DRC1: variants seen among roughly 807,000 people sequenced by gnomAD.
DRC1 encodes dynein regulatory complex subunit 1.
DRC1 carries 74 observed loss-of-function variants against 98.7 expected under a neutral mutation model. That is an observed-to-expected ratio of 0.75 (90% CI 0.62 to 0.91). The LOEUF (loss-of-function observed/expected upper bound fraction) is 0.91. DRC1 is among the 40% of genes least tolerant of loss of function. The pLI is 0.00. For missense variants in DRC1, 875 were observed against 886.0 expected (o/e 0.99, Z 0.16); for synonymous variants, 336 against 334.1 (o/e 1.01, Z -0.06).
At chr2:26,413,806 A>C (rs910847898) in intron 1 of DRC1, among the ~76,000 whole-genome samples, 4 of 152,078 alleles carry the variant, frequency 2.6e-5, no homozygotes, top group African/African-American at 4.8e-5. Context: ...AAATCTTTTA[A>C]TCTTTTTATT....
chr2:26,451,513 G>T (rs1316247260), intron 13 of DRC1, among the ~76,000 whole-genome samples: 1 of 152,182 alleles, frequency 6.6e-6, no homozygotes, highest in African/African-American at 2.4e-5. Context: ...TGACATGCCT[G>T]TAAAAAGAGT....
chr2:26,429,925 A>G (rs183510238), intron 5 of DRC1, among the ~76,000 whole-genome samples, 160 bp downstream of exon 5: 24 of 152,298 alleles, frequency 1.6e-4, no homozygotes, highest in African/African-American at 5.1e-4. Flanking sequence ...TCATTCATTC[A>G]TATGACAAGT....
intron 16 of DRC1, among the ~76,000 whole-genome samples, chr2:26,455,940 CGT>C (rs35992618): frequency 0.92 from 140,736 of 152,228 alleles, 66,018 homozygotes; most frequent in East Asian, 1. Context: ...TAGTTGCACA[CGT>C]GTGAGGTGAC....
Position 26,450,669 on chromosome 2 carries a change from T to A in DRC1, c.1677T>A (p.Ser559=). 5 of 1,600,380 alleles carry A rather than the reference T, an allele frequency of 3.1e-6. No homozygotes were observed. Among genetic ancestry groups the A allele is most frequent in the Non-Finnish European group, 4.3e-6 (5 of 1,173,888 alleles). The change falls in exon 13 of 17, where the codon TCT becomes TCA. Residue 559 remains serine (S), a synonymous_variant. Coordinates refer to ENST00000288710, the MANE Select transcript of DRC1 (RefSeq NM_145038.5). ...TTAAATATCGAGCTCACCGTTTATC[T>A]TCCAGCCTCCAGGTAAGGCAAGGTG... ...FFLKYRAHRL[S]SSLQIKPCSQ... is the part of the protein sequence containing the mutation.
intron 4 of DRC1, among the ~76,000 whole-genome samples, chr2:26,426,906 T>C (rs1663299106): frequency 6.6e-6 from 1 of 152,246 alleles, no homozygotes; most frequent in Non-Finnish European, 1.5e-5. Flanking sequence ...GCACAGGATA[T>C]CTTCCATTTG....
intron 7 of DRC1, among the ~76,000 whole-genome samples, chr2:26,435,274 G>T (rs1404726898): frequency 2.0e-5 from 3 of 152,152 alleles, no homozygotes; most frequent in Admixed American, 6.5e-5. Context: ...TTTGTGGCAG[G>T]TTAGCTTGTA....
At chr2:26,442,038 A>C (rs976949563) in intron 8 of DRC1, among the ~76,000 whole-genome samples, 35 of 152,222 alleles carry the variant, frequency 2.3e-4, no homozygotes, top group African/African-American at 6.0e-4. Context: ...GGGAAGGCCA[A>C]GATCAAGGCT....
At chr2:26,448,299 A>G (rs1663910393) in intron 10 of DRC1, 1 of 475,112 alleles carries the variant, frequency 2.1e-6, no homozygotes, top group African/African-American at 2.0e-5. Flanking sequence ...GCTTCTGTCT[A>G]ATCTGTTGCA....
Position 26,440,374 on chromosome 2 carries a change from T to G in DRC1, c.889-4T>G. ...ATATATATATATAGTTTTTTTAACT[T>G]TAGATTCTTGAGCAGCAGCTTCAGC... On this transcript the variant is annotated splice_region_variant and splice_polypyrimidine_tract_variant and intron_variant, in intron 7 of 16. Coordinates refer to ENST00000288710, the MANE Select transcript of DRC1 (RefSeq NM_145038.5). 1 of 1,602,730 alleles carries G rather than the reference T, an allele frequency of 6.2e-7. No individual in the cohort carries two copies. Among genetic ancestry groups the G allele is most frequent in the Non-Finnish European group, 8.5e-7 (1 of 1,175,276 alleles).
At chr2:26,423,576 G>A (rs562016943) in intron 3 of DRC1, among the ~76,000 whole-genome samples, 7 of 152,182 alleles carry the variant, frequency 4.6e-5, no homozygotes, top group Non-Finnish European at 1.0e-4. Context: ...TTATGGAAAG[G>A]CTGTCCCTAT....
rs141243221 is a variant in DRC1 at position 26,410,146 on chromosome 2, T to G, written c.156-4198T>G. 2.2e-4 allele frequency among the ~76,000 whole-genome samples: 33 copies of G among 150,058 alleles called. No homozygotes were observed. The East Asian group carries it at 5.7e-3, about 26-fold the overall frequency. ...AATAGAGCTCTTAGAAATAAAAAAA[T>G]TATAGAAATAGAAAACATTAGAAGG... On this transcript the variant is annotated intron_variant, in intron 1 of 16. Transcript: ENST00000288710.
chr2:26,421,264 A>G, intron 2 of DRC1, 24 bp from the exon 3 acceptor site: 1 of 1,604,464 alleles, frequency 6.2e-7, no homozygotes, highest in Non-Finnish European at 8.5e-7. Context: ...CTAGCTTTGT[A>G]AATTCTTATA....
chr2:26,453,898 G>A (rs966628454), intron 14 of DRC1, among the ~76,000 whole-genome samples: 14 of 152,200 alleles, frequency 9.2e-5, no homozygotes, highest in Admixed American at 5.9e-4. Flanking sequence ...TTTCCATTTG[G>A]CATGTCAGAG....
At chr2:26,427,476 A>G (rs1258962402) in intron 4 of DRC1, among the ~76,000 whole-genome samples, 1 of 152,084 alleles carries the variant, frequency 6.6e-6, no homozygotes, top group Admixed American at 6.6e-5. Context: ...TATGGGGTAT[A>G]TAAGATATTT....
At chr2:26,445,473 A>G (rs1048615265) in intron 10 of DRC1, among the ~76,000 whole-genome samples, 11 of 152,224 alleles carry the variant, frequency 7.2e-5, no homozygotes, top group Non-Finnish European at 1.3e-4. Flanking sequence ...GGCCTCTAGC[A>G]TCTTCCAAAG....
rs559685407 is a variant in DRC1 at position 26,436,151 on chromosome 2, A to T, written c.888+4145A>T. ...TCTTTTTTTTTTTTCACTTTTTAAT[A>T]ATAGCCATTCTGACTGGTGTGAGAT... On this transcript the variant is annotated intron_variant, in intron 7 of 16. Coordinates refer to ENST00000288710, the MANE Select transcript of DRC1 (RefSeq NM_145038.5). Among the ~76,000 whole-genome samples the T allele has an allele frequency of 4.0e-5, 6 of 151,376 alleles. No individual in the cohort carries two copies. In the East Asian group the frequency reaches 1.2e-3, roughly 29 times the overall value.
intron 6 of DRC1, 86 bp from the exon 7 acceptor site, chr2:26,431,798 C>T (rs953161053): frequency 1.3e-6 from 2 of 1,567,512 alleles, no homozygotes; most frequent in African/African-American, 1.4e-5. Context: ...AAACTCTCCC[C>T]TGTGTCATGC....
At chr2:26,438,102 A>G (rs1243740668) in intron 7 of DRC1, among the ~76,000 whole-genome samples, 1 of 151,458 alleles carries the variant, frequency 6.6e-6, no homozygotes, top group Non-Finnish European at 1.5e-5. Flanking sequence ...AAAAAAAAAA[A>G]AAAAAAAAAG....
At chr2:26,445,067 C>T (rs955985480) in intron 10 of DRC1, 119 bp downstream of exon 10, 57 of 1,066,958 alleles carry the variant, frequency 5.3e-5, no homozygotes, top group Admixed American at 2.8e-4. Context: ...TTATTGGTAT[C>T]GCTTTTAAGT....
Sources: allele counts gnomAD v4.1 joint callset (sites outside exome capture counted in the v4.1 genomes callset), GRCh38; gene constraint gnomAD v4.1.1; transcripts MANE v1.5; gene names NCBI Gene and HGNC (gene_info 2026-07-23, HGNC 2026-07-21).